Variants in HCN1 observed in about 807,000 individuals in gnomAD.
The protein encoded by HCN1 is potassium/sodium hyperpolarization-activated cyclic nucleotide-gated channel 1.
A neutral mutation model predicts 78.9 loss-of-function variants in HCN1; 13 were observed. The observed-to-expected ratio is 0.16, with a 90% CI of 0.11 to 0.26. The LOEUF (loss-of-function observed/expected upper bound fraction) is 0.26, where lower values mean the gene tolerates loss of function less well. Among genes scored for constraint, HCN1 ranks in the 10% least tolerant of loss-of-function variants. The probability of loss-of-function intolerance (pLI) is 1.00; values close to 1 mark genes in which losing one functional copy is unlikely to be tolerated. For missense variants in HCN1, 810 were observed against 1,154.3 expected, an observed-to-expected ratio of 0.70 and a Z score of 4.32; for synonymous variants, 552 against 455.5, an observed-to-expected ratio of 1.21 and a Z score of -2.70.
intron 6 of HCN1, among the ~76,000 whole-genome samples, chr5:45,298,508 AG>A (rs1481981347): frequency 2.6e-5 from 4 of 152,054 alleles, no homozygotes; most frequent in African/African-American, 9.7e-5. Context: ...ACAAAGGGAC[AG>A]AGGGGCTAAT....
chr5:45,647,492 C>T (rs1745572514), intron 1 of HCN1, among the ~76,000 whole-genome samples: 1 of 152,098 alleles, frequency 6.6e-6, no homozygotes, highest in Non-Finnish European at 1.5e-5. Flanking sequence ...CTGGGTGTCA[C>T]ACATAGCCCT....
chr5:45,356,461 T>C (rs1442662894), intron 4 of HCN1, among the ~76,000 whole-genome samples: 1 of 151,990 alleles, frequency 6.6e-6, no homozygotes, highest in Non-Finnish European at 1.5e-5. Flanking sequence ...AGGATCCAGT[T>C]TCAAACCCAC....
intron 3 of HCN1, among the ~76,000 whole-genome samples, chr5:45,445,557 A>G (rs1740773549): frequency 1.3e-5 from 2 of 152,216 alleles, no homozygotes; most frequent in Non-Finnish European, 2.9e-5. Flanking sequence ...ATGCAGCTGG[A>G]GATCTGAGAA....
chr5:45,671,900 A>G (rs982715599), intron 1 of HCN1, among the ~76,000 whole-genome samples: 1 of 151,602 alleles, frequency 6.6e-6, no homozygotes, highest in Non-Finnish European at 1.5e-5. Context: ...TGCAGATAAT[A>G]GGGTTTCTTC....
chr5:45,628,790 G>T (rs1745218527), intron 2 of HCN1, among the ~76,000 whole-genome samples: 1 of 151,808 alleles, frequency 6.6e-6, no homozygotes, highest in South Asian at 2.1e-4. Flanking sequence ...TGGCCAACAT[G>T]GTGAAACCCT....
chr5:45,656,881 T>G (rs1745772123), intron 1 of HCN1, among the ~76,000 whole-genome samples: 2 of 152,114 alleles, frequency 1.3e-5, no homozygotes, highest in African/African-American at 4.8e-5. Context: ...TTCTACATAT[T>G]TAGTGTCCTA....
intron 4 of HCN1, among the ~76,000 whole-genome samples, chr5:45,366,818 T>G (rs529887954): frequency 7.9e-5 from 12 of 151,814 alleles, no homozygotes; most frequent in Non-Finnish European, 1.5e-4. Context: ...ATTCCTTCAG[T>G]ACAAATTAAA....
intron 2 of HCN1, among the ~76,000 whole-genome samples, chr5:45,578,502 T>C (rs1743992785): frequency 6.6e-6 from 1 of 151,898 alleles, no homozygotes; most frequent in Non-Finnish European, 1.5e-5. Context: ...CAGGAAGCAT[T>C]AGATAAGAGT....
intron 4 of HCN1, among the ~76,000 whole-genome samples, chr5:45,373,425 T>G (rs1189428064): frequency 7.4e-6 from 1 of 135,134 alleles, no homozygotes; most frequent in African/African-American, 2.7e-5. Context: ...ATAATATATA[T>G]CCCTCAGATA....
intron 5 of HCN1, among the ~76,000 whole-genome samples, chr5:45,316,148 G>A (rs536366839): frequency 8.9e-4 from 136 of 152,206 alleles, no homozygotes; most frequent in Middle Eastern, 3.4e-3. Context: ...GATGAACATC[G>A]ATGCAAAAAT....
chr5:45,510,397 A>G (rs1046147381), intron 2 of HCN1, among the ~76,000 whole-genome samples: 5 of 152,086 alleles, frequency 3.3e-5, no homozygotes, highest in East Asian at 1.9e-4. Context: ...TATCGACTCA[A>G]TAGGGCTGGG....
chr5:45,631,745 A>G (rs1358743399), intron 2 of HCN1, among the ~76,000 whole-genome samples: 2 of 152,158 alleles, frequency 1.3e-5, no homozygotes, highest in South Asian at 2.1e-4. Flanking sequence ...TTTGCATGAC[A>G]GAGCTATGAG....
At chr5:45,430,496 A>G (rs1201232242) in intron 3 of HCN1, among the ~76,000 whole-genome samples, 3 of 150,336 alleles carry the variant, frequency 2.0e-5, no homozygotes, top group Admixed American at 2.0e-4. Flanking sequence ...CTTTGTGTCC[A>G]TGTGTTCTTA....
At chr5:45,609,489 T>C (rs1424602206) in intron 2 of HCN1, among the ~76,000 whole-genome samples, 1 of 152,120 alleles carries the variant, frequency 6.6e-6, no homozygotes, top group East Asian at 1.9e-4. Context: ...TGTCTCACAA[T>C]AGTAGGATAA....
At chr5:45,481,231 C>T (rs546692037) in intron 2 of HCN1, among the ~76,000 whole-genome samples, 2 of 152,306 alleles carry the variant, frequency 1.3e-5, no homozygotes, top group African/African-American at 2.4e-5. Context: ...GAGAATTTGG[C>T]ATCAATGGCT....
In HCN1 at chr5:45,349,824, G is replaced by T. The variant is rs532941851; in HGVS notation, c.1377+3276C>A. Among the ~76,000 whole-genome samples the T allele has an allele frequency of 3.3e-5, 5 of 152,090 alleles. No homozygotes were observed. The South Asian group carries it at 1.0e-3, about 32-fold the overall frequency. On this transcript the variant is annotated intron_variant, in intron 5 of 7. Transcript: ENST00000303230. ...ATACACCCTCCCAAGACTAAACCAG[G>T]AAGAAGTTGAATCTCTGAATAGACC...
chr5:45,504,094 T>A (rs1373837312), intron 2 of HCN1, among the ~76,000 whole-genome samples: 1 of 152,058 alleles, frequency 6.6e-6, no homozygotes, highest in Non-Finnish European at 1.5e-5. Flanking sequence ...CCACATTTTA[T>A]TATTATTCTT....
intron 4 of HCN1, among the ~76,000 whole-genome samples, chr5:45,389,773 T>G (rs879453200): frequency 9.2e-5 from 14 of 152,180 alleles, no homozygotes; most frequent in Admixed American, 9.2e-4. Flanking sequence ...ATATTTGTAT[T>G]AATGATTCCA....
intron 3 of HCN1, among the ~76,000 whole-genome samples, chr5:45,437,893 T>C (rs1740587894): frequency 6.6e-6 from 1 of 152,190 alleles, no homozygotes; most frequent in African/African-American, 2.4e-5. Context: ...CAGATAGGAA[T>C]GCTTCATCTG....
Sources: allele counts gnomAD v4.1 joint callset (sites outside exome capture counted in the v4.1 genomes callset), GRCh38; gene constraint gnomAD v4.1.1; transcripts MANE v1.5; gene names NCBI Gene and HGNC (gene_info 2026-07-23, HGNC 2026-07-21).